Variants in JPH2 observed in about 807,000 individuals in gnomAD.
JPH2 encodes the protein junctophilin-2.
In JPH2, 38 loss-of-function variants were observed where a neutral mutation model predicts 55.9. The observed-to-expected ratio is 0.68, with a 90% CI of 0.52 to 0.89. The LOEUF (loss-of-function observed/expected upper bound fraction) is 0.89. Among genes scored for constraint, JPH2 ranks in the 40% least tolerant of loss-of-function variants. JPH2 has a pLI of 0.00. For synonymous variants in JPH2, 480 were observed against 472.4 expected (o/e 1.02, Z -0.21); for missense variants, 964 against 1,037.6 (o/e 0.93, Z 0.97).
chr20:44,116,111 G>C lies in JPH2; in HGVS notation c.1564C>G (p.Arg522Gly). 6.8e-7 allele frequency: 1 copy of C among 1,479,392 alleles called. No homozygotes were observed. Among genetic ancestry groups the C allele is most frequent in the Non-Finnish European group, 8.9e-7 (1 of 1,126,706 alleles). 91.6% of individuals were successfully genotyped at this position (1,479,392 alleles called of 1,614,324 possible). A position where few individuals can be genotyped will look rare whatever the true frequency, so the allele number is the denominator to read the frequency against. Reference sequence around the variant, plus strand: ...GCGCCCTCGGACGGAGTGACTGACCGGCTGCCCTCACCGCTGGGCTCGCCG... The same window carrying C: ...GCGCCCTCGGACGGAGTGACTGACCCGCTGCCCTCACCGCTGGGCTCGCCG... The part of the protein sequence containing the change: ...WNGEPSGEGS[R>G]SVTPSEGAGR... Residue 522 changes from arginine (R) to glycine (G), a missense_variant, in exon 4 of 6, where the codon CGG (arginine) becomes GGG (glycine). Physicochemically the swap from Arg to Gly is moderately radical, Grantham distance 125. Coordinates refer to ENST00000372980, the MANE Select transcript of JPH2 (RefSeq NM_020433.5).
At position 44,187,022 on chromosome 20, in the gene JPH2, G is replaced by C; in HGVS notation, c.-317C>G. 1 of 446,804 alleles carries C rather than the reference G, an allele frequency of 2.2e-6. No homozygotes were observed. 27.7% of individuals were successfully genotyped at this position (446,804 alleles called of 1,614,324 possible). A position where few individuals can be genotyped will look rare whatever the true frequency, so the allele number is the denominator to read the frequency against. On this transcript the variant is annotated 5_prime_UTR_variant, in exon 1 of 6. Transcript: ENST00000372980. ...CAAGTCTGCCTTCCAAGAAGTCCAA[G>C]GGAAAACGGTGTGATCTCTTTAAGA...
At chr20:44,184,291 T>C (rs1229555980) in intron 1 of JPH2, among the ~76,000 whole-genome samples, 1 of 151,888 alleles carries the variant, frequency 6.6e-6, no homozygotes, top group Non-Finnish European at 1.5e-5. Flanking sequence ...CTTCTTCTTC[T>C]TCTTCTTTTT....
At chr20:44,175,361 C>T (rs1274078899) in intron 1 of JPH2, among the ~76,000 whole-genome samples, 6 of 152,218 alleles carry the variant, frequency 3.9e-5, no homozygotes, top group African/African-American at 1.4e-4. Flanking sequence ...TCCTGTTGTA[C>T]TTCATCGCAT....
intron 3 of JPH2, among the ~76,000 whole-genome samples, chr20:44,118,173 G>A (rs2072207634): frequency 6.6e-6 from 1 of 152,062 alleles, no homozygotes; most frequent in African/African-American, 2.4e-5. Flanking sequence ...GAAACTGTTG[G>A]GCAAGTGCAA....
intron 2 of JPH2, among the ~76,000 whole-genome samples, chr20:44,143,102 C>T (rs1451101189): frequency 6.6e-6 from 1 of 152,114 alleles, no homozygotes; most frequent in Non-Finnish European, 1.5e-5. Flanking sequence ...GCATTTTGGA[C>T]AAATGGAACA....
intron 5 of JPH2, among the ~76,000 whole-genome samples, chr20:44,114,534 G>A (rs886269916): frequency 1.3e-5 from 2 of 151,272 alleles, no homozygotes; most frequent in African/African-American, 4.9e-5. Context: ...ACAGAGAGCA[G>A]GTGCTCTGCA....
At chr20:44,146,526 T>A (rs558028173) in intron 2 of JPH2, among the ~76,000 whole-genome samples, 5 of 152,188 alleles carry the variant, frequency 3.3e-5, no homozygotes, top group Non-Finnish European at 7.3e-5. Flanking sequence ...GTCCATCTGG[T>A]AATTCACAAA....
chr20:44,134,769 A>G (rs1445700297), intron 2 of JPH2, among the ~76,000 whole-genome samples: 5 of 106,592 alleles, frequency 4.7e-5, no homozygotes, highest in African/African-American at 1.1e-4. Context: ...AATATATAAA[A>G]ATATTTATAA....
In JPH2 at chr20:44,107,424, C is replaced by CCAAA. The variant is rs1357747099; in HGVS notation, c.*6090_*6093dup. On this transcript the variant is annotated 3_prime_UTR_variant, in exon 6 of 6. Transcript: ENST00000372980. ...CAGCCTCCCTTGAAGCTAGTTGAGG[C>CCAAA]CAAACAACTGAGCTCTGGCTAGTGG... Among the ~76,000 whole-genome samples, 1 of 152,172 alleles carries CCAAA rather than the reference C, an allele frequency of 6.6e-6. No homozygotes were observed. The highest frequency in any genetic ancestry group is 1.5e-5 in the Non-Finnish European group (1 of 68,032).
rs2072123315 is a variant in JPH2 at position 44,108,761 on chromosome 20, G to T, written c.*4757C>A. 6.6e-6 allele frequency among the ~76,000 whole-genome samples: 1 copy of T among 152,098 alleles called. No homozygotes were observed. The highest frequency in any genetic ancestry group is 2.4e-5 in the African/African-American group (1 of 41,414). On this transcript the variant is annotated 3_prime_UTR_variant, in exon 6 of 6. Coordinates refer to ENST00000372980, the MANE Select transcript of JPH2 (RefSeq NM_020433.5). ...CTGGCATCTGTTGCCGTACATGAGG[G>T]TCTCACCTGCAGTTGGTCTGTGGAC...
In JPH2 at chr20:44,186,701, C is replaced by T; in HGVS notation, c.5G>A (p.Ser2Asn). Residue 2 changes from serine (S) to asparagine (N), a missense_variant, in exon 1 of 6, where the codon AGT (serine) becomes AAT (asparagine). By Grantham distance (46) the Ser-to-Asn change is conservative. Coordinates refer to ENST00000372980, the MANE Select transcript of JPH2 (RefSeq NM_020433.5). The stretch of plus-strand genomic sequence containing the variant: ...ATCATCAAAGTCGAAGCGGCCCCCA[C>T]TCATCTCATCATAGCCCCTGACAAC... M[S>N]GGRFDFDDGG... The T allele has an allele frequency of 6.3e-7, 1 of 1,599,008 alleles. No individual in the cohort carries two copies. Among genetic ancestry groups the T allele is most frequent in the Non-Finnish European group, 8.5e-7 (1 of 1,179,592 alleles).
intron 2 of JPH2, among the ~76,000 whole-genome samples, chr20:44,139,114 G>C (rs1181033386): frequency 2.0e-5 from 3 of 152,322 alleles, no homozygotes; most frequent in Middle Eastern, 3.4e-3. Context: ...ACGTGGGAAA[G>C]GCCAAGCAAG....
chr20:44,141,824 T>C (rs2072458824), intron 2 of JPH2, among the ~76,000 whole-genome samples: 2 of 152,132 alleles, frequency 1.3e-5, no homozygotes, highest in African/African-American at 4.8e-5. Context: ...CAGCTTCTAT[T>C]ACCTGCAGCT....
At chr20:44,153,673 C>T (rs1399619691) in intron 2 of JPH2, among the ~76,000 whole-genome samples, 15 of 152,248 alleles carry the variant, frequency 9.9e-5, no homozygotes, top group Admixed American at 9.8e-4. Flanking sequence ...GGGGGCACAA[C>T]AGCAGGAAGA....
chr20:44,164,521 G>A (rs1342503529), intron 1 of JPH2, among the ~76,000 whole-genome samples: 1 of 152,202 alleles, frequency 6.6e-6, no homozygotes, highest in African/African-American at 2.4e-5. Flanking sequence ...CTAGAAAAGA[G>A]AGTGTGCTAG....
At chr20:44,144,779 C>T (rs770916399) in intron 2 of JPH2, among the ~76,000 whole-genome samples, 5 of 152,198 alleles carry the variant, frequency 3.3e-5, no homozygotes, top group South Asian at 2.1e-4. Context: ...GCACCTCCTT[C>T]GTGAGGTTTA....
Position 44,143,620 on chromosome 20 carries a change from G to A in JPH2, c.1169+15998C>T, listed in dbSNP as rs559383622. Among the ~76,000 whole-genome samples, 45 of 152,208 alleles carry A rather than the reference G, an allele frequency of 3.0e-4. No homozygotes were observed. In the South Asian group the frequency reaches 9.1e-3, roughly 31 times the overall value. On this transcript the variant is annotated intron_variant, in intron 2 of 5. Coordinates refer to ENST00000372980, the MANE Select transcript of JPH2 (RefSeq NM_020433.5). The stretch of plus-strand genomic sequence containing the variant: ...GCAATGCCTGTCCTTCTTCCTTCTC[G>A]TGCTCCCCGCTCACGCCCTCTCAGC...
intron 1 of JPH2, chr20:44,177,341 G>T: frequency 1.0e-6 from 1 of 986,964 alleles, no homozygotes; most frequent in East Asian, 1.1e-4. Context: ...GGCCTGCTCC[G>T]GGGAACAGCT....
At chr20:44,115,528 A>G (rs1406376467) in intron 4 of JPH2, 137 bp downstream of exon 4, 18 of 1,211,132 alleles carry the variant, frequency 1.5e-5, no homozygotes, top group South Asian at 3.9e-5. Context: ...CCAGCCCTGC[A>G]GCATTTCCTC....
Sources: gnomAD v4.1 joint callset for allele counts (sites outside exome capture counted in the v4.1 genomes callset) on GRCh38, gnomAD v4.1.1 for gene constraint, MANE v1.5 for transcripts, NCBI Gene and HGNC (gene_info 2026-07-23, HGNC 2026-07-21) for gene names.